Variants in ANXA7 observed in about 807,000 individuals in gnomAD.
The protein encoded by ANXA7 is annexin A7.
A neutral mutation model predicts 64.9 loss-of-function variants in ANXA7; 55 were observed. The ratio of observed to expected loss-of-function variants is 0.85; its 90% CI spans 0.68 to 1.06. The LOEUF is 1.06. Among genes scored for constraint, ANXA7 ranks in the 50% least tolerant of loss-of-function variants. ANXA7 has a pLI of 0.00. For synonymous variants in ANXA7, 200 were observed against 192.4 expected (o/e 1.04, Z -0.33); for missense variants, 548 against 582.1 (o/e 0.94, Z 0.60).
At chr10:73,386,280 G>T (rs1291707822) in intron 7 of ANXA7, among the ~76,000 whole-genome samples, 1 of 151,344 alleles carries the variant, frequency 6.6e-6, no homozygotes, top group Non-Finnish European at 1.5e-5. Context: ...GAGGAACAAT[G>T]GCATTTTTTA....
chr10:73,384,131 AT>A (rs1354562322), intron 7 of ANXA7, among the ~76,000 whole-genome samples: 1 of 152,018 alleles, frequency 6.6e-6, no homozygotes, highest in African/African-American at 2.4e-5. Context: ...AAAAAAAAAA[AT>A]AAATAAATAG....
intron 1 of ANXA7, among the ~76,000 whole-genome samples, chr10:73,412,097 C>A (rs1050597331): frequency 7.9e-5 from 12 of 152,098 alleles, no homozygotes; most frequent in Middle Eastern, 3.4e-3. Flanking sequence ...AGTGCAGTGG[C>A]ACGATCTCAG....
chr10:73,395,815 G>A, intron 5 of ANXA7: 1 of 608,876 alleles, frequency 1.6e-6, no homozygotes, highest in Non-Finnish European at 3.0e-6. Context: ...GCCATACGGA[G>A]TAGGGCAAAT....
intron 1 of ANXA7, among the ~76,000 whole-genome samples, chr10:73,402,972 C>A (rs759137626): frequency 6.6e-6 from 1 of 152,062 alleles, no homozygotes; most frequent in African/African-American, 2.4e-5. Flanking sequence ...TTACAGGTGC[C>A]TGCCACCGTG....
In ANXA7 at chr10:73,376,126, C is replaced by A. The variant is rs772262560; in HGVS notation, c.1370G>T (p.Arg457Leu). ...MIAGDTSGDY[R>L]RLLLAIVGQ ...GCCCACAATAGCCAGAAGAAGTCTT[C>A]GGTAATCTCCACTCGTGTCACCTGC... The change falls in exon 13 of 13, where the codon CGA (arginine) becomes CTA (leucine). Residue 457 changes from arginine (R) to leucine (L), a missense_variant. Coordinates refer to ENST00000372921, the MANE Select transcript of ANXA7 (RefSeq NM_001156.5). 1.9e-6 allele frequency: 3 copies of A among 1,601,490 alleles called. No individual in the cohort carries two copies. In the South Asian group the frequency reaches 3.4e-5, roughly 18 times the overall value.
At chr10:73,384,874 C>A (rs192280400) in intron 7 of ANXA7, among the ~76,000 whole-genome samples, 6 of 151,490 alleles carry the variant, frequency 4.0e-5, no homozygotes, top group Non-Finnish European at 7.4e-5. Flanking sequence ...CATGCAAAGA[C>A]GAAGGAGAAA....
At chr10:73,387,845 T>TA in intron 6 of ANXA7, 62 bp from the exon 7 acceptor site, 76 of 772,528 alleles carry the variant, frequency 9.8e-5, no homozygotes, top group Non-Finnish European at 1.4e-4. Flanking sequence ...CTTGAGGTCA[T>TA]CTTTTTTTTT....
chr10:73,375,907 A>G lies in ANXA7; in HGVS notation c.*188T>C. The G allele has an allele frequency of 2.3e-6, 1 of 431,046 alleles. No individual in the cohort carries two copies. The highest frequency in any genetic ancestry group is 4.1e-6 in the Non-Finnish European group (1 of 246,742). 26.7% of individuals were successfully genotyped at this position (431,046 alleles called of 1,614,324 possible). A position where few individuals can be genotyped will look rare whatever the true frequency, so the allele number is the denominator to read the frequency against. ...ATATGGCTTTACATTGATTGTATGT[A>G]GAGAACAAAATAAAATTAGAATTAA... is the stretch of plus-strand genomic sequence containing the variant. On this transcript the variant is annotated 3_prime_UTR_variant, in exon 13 of 13. Transcript: ENST00000372921.
At chr10:73,379,271 C>T (rs1444567088) in intron 11 of ANXA7, among the ~76,000 whole-genome samples, 1 of 152,124 alleles carries the variant, frequency 6.6e-6, no homozygotes, top group Admixed American at 6.5e-5. Context: ...TCAGGTGATC[C>T]TCCCACCTCA....
In ANXA7 at chr10:73,379,027, C is replaced by A; in HGVS notation, c.1166-4G>T. 6.3e-7 allele frequency: 1 copy of A among 1,593,108 alleles called. No homozygotes were observed. Among genetic ancestry groups the A allele is most frequent in the Non-Finnish European group, 8.6e-7 (1 of 1,166,934 alleles). On this transcript the variant is annotated splice_polypyrimidine_tract_variant and splice_region_variant and intron_variant, in intron 11 of 12. Transcript: ENST00000372921. ...GGGCGGTTCAGGGCACACTGCACTG[C>A]AAGTTAGAGATGGTTGAGACATGGA...
At chr10:73,376,240 G>C in intron 12 of ANXA7, 23 bp from the exon 13 acceptor site, 3 of 1,536,684 alleles carry the variant, frequency 2.0e-6, no homozygotes, top group Non-Finnish European at 2.6e-6. Context: ...TAATATTTCT[G>C]TCAGAAAAAC....
At chr10:73,412,457 C>A (rs1003329795) in intron 1 of ANXA7, among the ~76,000 whole-genome samples, 39 of 151,516 alleles carry the variant, frequency 2.6e-4, no homozygotes, top group Non-Finnish European at 2.6e-4. Context: ...CAAAAAATTT[C>A]TCAACTTTGC....
chr10:73,392,374 A>G lies in ANXA7; in HGVS notation c.436-3960T>C, dbSNP rs2055499413. On this transcript the variant is annotated intron_variant, in intron 5 of 12. Coordinates refer to ENST00000372921, the MANE Select transcript of ANXA7 (RefSeq NM_001156.5). ...ATAAGGCCAACATCATCATGATAAC[A>G]AAGCCTGGCAGAGACACAACAAAAA... Among the ~76,000 whole-genome samples, 2 of 151,738 alleles carry G rather than the reference A, an allele frequency of 1.3e-5. 1 individual carries two copies. The highest frequency in any genetic ancestry group is 4.2e-4 in the South Asian group (2 of 4,758).
intron 1 of ANXA7, among the ~76,000 whole-genome samples, chr10:73,407,544 T>C (rs770911091): frequency 2.9e-4 from 34 of 116,276 alleles, no homozygotes; most frequent in Non-Finnish European, 5.7e-4. Flanking sequence ...TTGGGATTTC[T>C]GGATCTACAC....
intron 4 of ANXA7, 56 bp from the exon 5 acceptor site, chr10:73,396,639 T>G (rs2055581079): frequency 2.7e-6 from 3 of 1,126,116 alleles, no homozygotes; most frequent in Non-Finnish European, 3.9e-6. Context: ...ATGTTTTAAT[T>G]TTTCAAAACA....
intron 9 of ANXA7, 141 bp from the exon 10 acceptor site, chr10:73,380,342 G>C: frequency 3.8e-6 from 3 of 799,612 alleles, no homozygotes; most frequent in Middle Eastern, 3.7e-4. Flanking sequence ...CACTCAGGCT[G>C]GAGTGCAGTA....
chr10:73,409,236 G>C (rs1028991502), intron 1 of ANXA7, among the ~76,000 whole-genome samples: 1 of 152,158 alleles, frequency 6.6e-6, no homozygotes, highest in African/African-American at 2.4e-5. Flanking sequence ...ATCACTGTTT[G>C]CAGATATTAT....
At chr10:73,395,917 G>C in intron 5 of ANXA7, 1 of 736,808 alleles carries the variant, frequency 1.4e-6, no homozygotes, top group South Asian at 1.5e-5. Context: ...ATTATTACAG[G>C]AACACAAAGA....
chr10:73,412,955 G>A (rs181177997), intron 1 of ANXA7, among the ~76,000 whole-genome samples: 2 of 152,262 alleles, frequency 1.3e-5, no homozygotes, highest in East Asian at 3.9e-4. Flanking sequence ...AGGAACCCAA[G>A]AGGCAGCTGT....
Sources: allele counts gnomAD v4.1 joint callset (sites outside exome capture counted in the v4.1 genomes callset), GRCh38; gene constraint gnomAD v4.1.1; transcripts MANE v1.5; gene names NCBI Gene and HGNC (gene_info 2026-07-23, HGNC 2026-07-21).